Variants in UACA observed in about 807,000 individuals in gnomAD.
UACA encodes uveal autoantigen with coiled-coil domains and ankyrin repeats, also known as nuclear membrane binding protein.
In UACA, 112 loss-of-function variants were observed where a neutral mutation model predicts 160.5. The ratio of observed to expected loss-of-function variants is 0.70; its 90% CI spans 0.60 to 0.82. The LOEUF (loss-of-function observed/expected upper bound fraction) is 0.82, where lower values mean the gene tolerates loss of function less well. Among genes scored for constraint, UACA ranks in the 40% least tolerant of loss-of-function variants. The probability of loss-of-function intolerance (pLI) is 0.00; values close to 1 mark genes in which losing one functional copy is unlikely to be tolerated. For synonymous variants in UACA, 557 were observed against 568.4 expected, an observed-to-expected ratio of 0.98 and a Z score of 0.29; for missense variants, 1,574 against 1,614.6, an observed-to-expected ratio of 0.97 and a Z score of 0.43.
intron 2 of UACA, among the ~76,000 whole-genome samples, chr15:70,698,546 A>G (rs1047113801): frequency 1.3e-4 from 20 of 152,214 alleles, no homozygotes; most frequent in African/African-American, 4.8e-4. Flanking sequence ...TATTGCTCTT[A>G]AAAACTACTT....
chr15:70,706,187 A>G (rs184246423), intron 1 of UACA, among the ~76,000 whole-genome samples: 3 of 152,318 alleles, frequency 2.0e-5, no homozygotes, highest in Admixed American at 2.0e-4. Context: ...CAATGATCAT[A>G]TAAGTTGATA....
chr15:70,735,271 C>G (rs1209593205), intron 1 of UACA, among the ~76,000 whole-genome samples: 3 of 149,692 alleles, frequency 2.0e-5, no homozygotes, highest in Non-Finnish European at 4.4e-5. Flanking sequence ...GTGACAAGAT[C>G]AATCATACCA....
chr15:70,722,912 T>TA (rs1899034878), intron 1 of UACA, among the ~76,000 whole-genome samples: 1 of 152,200 alleles, frequency 6.6e-6, no homozygotes, highest in South Asian at 2.1e-4. Flanking sequence ...TTATCATTAC[T>TA]AAAAACATCT....
At chr15:70,663,526 T>C (rs921752235) in intron 17 of UACA, among the ~76,000 whole-genome samples, 1 of 152,130 alleles carries the variant, frequency 6.6e-6, no homozygotes. Context: ...CCCAAAGGAT[T>C]ATAGATCATG....
intron 10 of UACA, 47 bp from the exon 11 acceptor site, chr15:70,678,253 A>C: frequency 7.0e-7 from 1 of 1,427,582 alleles, no homozygotes; most frequent in Non-Finnish European, 9.6e-7. Flanking sequence ...TTAAAAGAGC[A>C]AATTCTTAAA....
intron 1 of UACA, among the ~76,000 whole-genome samples, chr15:70,718,028 T>TACACACACACACACACACAC (rs140483075): frequency 2.2e-4 from 31 of 142,676 alleles, no homozygotes; most frequent in African/African-American, 6.6e-4. Flanking sequence ...AATTTCTTTA[T>TACACACACACACACACACAC]ACACACACAC....
chr15:70,776,553 G>A, the UACA span, among the ~76,000 whole-genome samples: 29 of 150,788 alleles, frequency 1.9e-4, no homozygotes, highest in Admixed American at 1.1e-3. Context: ...TCAGCCTCCC[G>A]AGTAGTTGGG....
intron 1 of UACA, among the ~76,000 whole-genome samples, chr15:70,701,687 G>A (rs76999647): frequency 0.027 from 4,049 of 152,228 alleles, 205 homozygotes; most frequent in African/African-American, 0.092. Flanking sequence ...ATTTTATCAT[G>A]TGCTTTTTAA....
rs756422766 is a variant in UACA at position 70,695,090 on chromosome 15, G to A, written c.228C>T (p.Thr76=). The A allele has an allele frequency of 2.5e-6, 4 of 1,606,502 alleles. No individual in the cohort carries two copies. In the South Asian group the frequency reaches 4.5e-5, roughly 18 times the overall value. The change falls in exon 3 of 19, where the codon ACC becomes ACT. Residue 76 remains threonine (T), a synonymous_variant. Transcript: ENST00000322954. The part of the protein sequence containing the change: ...VEGRSVFHVV[T]SKGNLECLNA... ...TCAAACACTCAAGATTCCCCTTTGAGGTCACAACATGGAAGCTAAACAAAA... is the reference window on the plus strand; with the variant it reads ...TCAAACACTCAAGATTCCCCTTTGAAGTCACAACATGGAAGCTAAACAAAA...
At chr15:70,762,963 C>T (rs2030863793) in intron 1 of UACA, among the ~76,000 whole-genome samples, 1 of 151,444 alleles carries the variant, frequency 6.6e-6, no homozygotes, top group Non-Finnish European at 1.5e-5. Context: ...GGCAGCAGGG[C>T]GAGCGCCGGG....
intron 9 of UACA, among the ~76,000 whole-genome samples, chr15:70,681,239 C>T (rs1262523510): frequency 1.3e-5 from 2 of 152,276 alleles, no homozygotes; most frequent in East Asian, 3.9e-4. Context: ...TACAATATTC[C>T]CAGCACTTAG....
At chr15:70,723,634 CTTTTTTTT>C (rs71845744) in intron 1 of UACA, among the ~76,000 whole-genome samples, 1 of 139,006 alleles carries the variant, frequency 7.2e-6, no homozygotes. Flanking sequence ...CAACTTTTTC[CTTTTTTTT>C]TTTTTTTTGA....
intron 7 of UACA, among the ~76,000 whole-genome samples, chr15:70,685,466 A>T (rs1009147088): frequency 6.6e-6 from 1 of 152,104 alleles, no homozygotes; most frequent in Non-Finnish European, 1.5e-5. Context: ...CTTGTCCCCC[A>T]ACTCCCCTGT....
intron 16 of UACA, chr15:70,665,036 GAATA>G (rs771798686): frequency 8.0e-6 from 3 of 374,088 alleles, no homozygotes; most frequent in Non-Finnish European, 1.4e-5. Flanking sequence ...ACCAAATTAA[GAATA>G]AATATTACAT....
upstream of UACA, among the ~76,000 whole-genome samples, chr15:70,767,014 G>T (rs552688507): frequency 6.6e-6 from 1 of 151,280 alleles, no homozygotes; most frequent in African/African-American, 2.4e-5. Context: ...GCCGAGGCGG[G>T]TGGATCACGG....
intron 1 of UACA, among the ~76,000 whole-genome samples, chr15:70,737,507 G>C (rs530366892): frequency 6.6e-6 from 1 of 152,220 alleles, no homozygotes; most frequent in Non-Finnish European, 1.5e-5. Flanking sequence ...AGGAGTTCAA[G>C]ACCAGCCTGG....
At chr15:70,736,003 G>A (rs1899352629) in intron 1 of UACA, among the ~76,000 whole-genome samples, 1 of 152,046 alleles carries the variant, frequency 6.6e-6, no homozygotes, top group Non-Finnish European at 1.5e-5. Flanking sequence ...AAAAAGAAAT[G>A]AATAACAAAG....
intron 1 of UACA, among the ~76,000 whole-genome samples, chr15:70,735,173 G>A (rs1400185931): frequency 5.1e-3 from 255 of 50,274 alleles, no homozygotes; most frequent in Non-Finnish European, 9.9e-3. Context: ...AAAAAAAAAA[G>A]ATGGGAACAA....
At chr15:70,658,012 C>A (rs1227949730) in intron 18 of UACA, among the ~76,000 whole-genome samples, 1 of 151,658 alleles carries the variant, frequency 6.6e-6, no homozygotes, top group Non-Finnish European at 1.5e-5. Context: ...ATCACTTGAG[C>A]CCAGGAGTTG....
Sources: gnomAD v4.1 joint callset for allele counts (sites outside exome capture counted in the v4.1 genomes callset) on GRCh38, gnomAD v4.1.1 for gene constraint, MANE v1.5 for transcripts, NCBI Gene and HGNC (gene_info 2026-07-23, HGNC 2026-07-21) for gene names.